Variants in FSTL5 observed in about 807,000 individuals in gnomAD.
FSTL5 encodes follistatin like 5.
Under a neutral mutation model 89.1 loss-of-function variants are expected in FSTL5, and 62 were observed. That is an observed-to-expected ratio of 0.70 (90% CI 0.57 to 0.86). The LOEUF is 0.86. Among genes scored for constraint, FSTL5 ranks in the 40% least tolerant of loss-of-function variants. The probability of loss-of-function intolerance (pLI) is 0.00; values close to 1 mark genes in which losing one functional copy is unlikely to be tolerated. For synonymous variants in FSTL5, 383 were observed against 346.2 expected, an observed-to-expected ratio of 1.11 and a Z score of -1.18; for missense variants, 1,057 against 1,001.6, an observed-to-expected ratio of 1.06 and a Z score of -0.75.
intron 15 of FSTL5, among the ~76,000 whole-genome samples, chr4:161,446,810 T>C (rs1732963340): frequency 6.6e-6 from 1 of 152,036 alleles, no homozygotes; most frequent in African/African-American, 2.4e-5. Flanking sequence ...GACATATTTC[T>C]TCATGCATTT....
chr4:161,911,886 A>T (rs994333553), intron 4 of FSTL5, among the ~76,000 whole-genome samples: 1 of 152,182 alleles, frequency 6.6e-6, no homozygotes, highest in Non-Finnish European at 1.5e-5. Flanking sequence ...ATTCCATCCA[A>T]ACACTTTTTT....
chr4:162,111,934 A>G (rs1309094019), intron 1 of FSTL5, among the ~76,000 whole-genome samples: 1 of 152,184 alleles, frequency 6.6e-6, no homozygotes, highest in African/African-American at 2.4e-5. Flanking sequence ...GGTGGATTAT[A>G]TTTAGTTATT....
chr4:161,684,857 A>G (rs947232099), intron 6 of FSTL5, among the ~76,000 whole-genome samples: 38 of 152,272 alleles, frequency 2.5e-4, no homozygotes, highest in Middle Eastern at 3.4e-3. Context: ...GGTTTTTCCA[A>G]TGTTATCTTG....
chr4:161,726,227 CTT>C (rs5863477), intron 6 of FSTL5, among the ~76,000 whole-genome samples: 4 of 113,668 alleles, frequency 3.5e-5, no homozygotes, highest in African/African-American at 1.0e-4. Context: ...TTTTCTTTTT[CTT>C]TTTTTTTTTT....
At chr4:161,707,831 G>A (rs568015682) in intron 6 of FSTL5, among the ~76,000 whole-genome samples, 6 of 151,998 alleles carry the variant, frequency 3.9e-5, no homozygotes, top group African/African-American at 1.2e-4. Flanking sequence ...TCTGGATAAT[G>A]TGTTCATTTC....
At chr4:161,801,235 A>G (rs573665101) in intron 4 of FSTL5, among the ~76,000 whole-genome samples, 2 of 151,758 alleles carry the variant, frequency 1.3e-5, no homozygotes, top group South Asian at 4.1e-4. Flanking sequence ...GAATAGTACA[A>G]AACTGCATAT....
intron 6 of FSTL5, among the ~76,000 whole-genome samples, chr4:161,692,870 C>T (rs1179060438): frequency 1.3e-5 from 2 of 151,950 alleles, no homozygotes; most frequent in African/African-American, 4.8e-5. Flanking sequence ...ATTACAGGCA[C>T]ACGCCACCAC....
chr4:162,083,949 T>G (rs1453159277), intron 2 of FSTL5, among the ~76,000 whole-genome samples: 1 of 151,952 alleles, frequency 6.6e-6, no homozygotes, highest in East Asian at 1.9e-4. Flanking sequence ...ATTAATAATT[T>G]TAATGCAATG....
At chr4:161,539,921 A>G (rs1286932593) in intron 9 of FSTL5, among the ~76,000 whole-genome samples, 6 of 111,880 alleles carry the variant, frequency 5.4e-5, no homozygotes, top group Admixed American at 1.0e-4. Flanking sequence ...TTTTTTTTTC[A>G]GGATCCACAC....
intron 2 of FSTL5, among the ~76,000 whole-genome samples, chr4:162,060,496 T>A (rs1738686928): frequency 2.0e-5 from 3 of 152,216 alleles, no homozygotes; most frequent in South Asian, 2.1e-4. Flanking sequence ...AAAACATTTT[T>A]AAAAAACTAT....
At chr4:161,967,001 C>G (rs1328221874) in intron 3 of FSTL5, among the ~76,000 whole-genome samples, 1 of 151,038 alleles carries the variant, frequency 6.6e-6, no homozygotes, top group Non-Finnish European at 1.5e-5. Context: ...TGGACTTAGT[C>G]ACAACTTAGA....
intron 6 of FSTL5, among the ~76,000 whole-genome samples, chr4:161,723,187 G>T (rs1424637106): frequency 6.6e-6 from 1 of 152,108 alleles, no homozygotes; most frequent in Non-Finnish European, 1.5e-5. Context: ...TTAGCTAAAA[G>T]TCAGGCTTTA....
At chr4:161,987,918 C>A (rs1470576356) in intron 3 of FSTL5, among the ~76,000 whole-genome samples, 1 of 151,280 alleles carries the variant, frequency 6.6e-6, no homozygotes, top group Non-Finnish European at 1.5e-5. Context: ...TATCTTAGTC[C>A]AACTTCTTTC....
intron 3 of FSTL5, among the ~76,000 whole-genome samples, chr4:161,952,401 A>T (rs543776222): frequency 1.3e-5 from 2 of 152,144 alleles, no homozygotes; most frequent in South Asian, 4.1e-4. Flanking sequence ...ATCATTATAG[A>T]CTAATTTGAG....
chr4:161,843,624 C>A (rs1412497191), intron 4 of FSTL5, among the ~76,000 whole-genome samples: 1 of 152,024 alleles, frequency 6.6e-6, no homozygotes, highest in Non-Finnish European at 1.5e-5. Context: ...GAAAAGAGGC[C>A]TCAGAAATAC....
intron 2 of FSTL5, among the ~76,000 whole-genome samples, chr4:162,083,433 A>G (rs1561009426): frequency 6.6e-6 from 1 of 151,788 alleles, no homozygotes; most frequent in Admixed American, 6.6e-5. Flanking sequence ...AGGGTGTAAA[A>G]TATTGACTCT....
chr4:161,683,709 G>C (rs939790019), intron 6 of FSTL5, among the ~76,000 whole-genome samples: 1 of 152,034 alleles, frequency 6.6e-6, no homozygotes, highest in African/African-American at 2.4e-5. Context: ...ACTTACATGA[G>C]TAAAATTTTG....
rs547022951 is a variant in FSTL5 at position 161,694,651 on chromosome 4, AT to A, written c.728-38158del. Among the ~76,000 whole-genome samples the A allele has an allele frequency of 9.9e-4, 151 of 151,854 alleles. 1 individual carries two copies. Among genetic ancestry groups the A allele is most frequent in the African/African-American group, 3.5e-3 (145 of 41,464 alleles). On this transcript the variant is annotated intron_variant, in intron 6 of 15. Transcript: ENST00000306100. ...GGCTTTCTCAAAAATGATTTTTGTT[AT>A]TTTTTTCCCCATGAATGGGCATTAA...
chr4:161,860,198 G>T (rs1423872697), intron 4 of FSTL5, among the ~76,000 whole-genome samples: 1 of 152,082 alleles, frequency 6.6e-6, no homozygotes, highest in Non-Finnish European at 1.5e-5. Flanking sequence ...TGAGGCAGGA[G>T]AATGGCGTGA....
Sources: gnomAD v4.1 joint callset for allele counts (sites outside exome capture counted in the v4.1 genomes callset) on GRCh38, gnomAD v4.1.1 for gene constraint, MANE v1.5 for transcripts, NCBI Gene and HGNC (gene_info 2026-07-23, HGNC 2026-07-21) for gene names.